Variants in PAX7 observed in about 807,000 individuals in gnomAD.
PAX7 encodes paired box 7.
In PAX7, 18 loss-of-function variants were observed where a neutral mutation model predicts 50.7. That is an observed-to-expected ratio of 0.36 (90% confidence interval 0.25 to 0.53). The LOEUF (loss-of-function observed/expected upper bound fraction) is 0.53. PAX7 is among the 20% of genes least tolerant of loss of function. The probability of loss-of-function intolerance (pLI) is 0.93; values close to 1 mark genes in which losing one functional copy is unlikely to be tolerated. For missense variants in PAX7, 644 were observed against 702.9 expected, an observed-to-expected ratio of 0.92 and a Z score of 0.95; for synonymous variants, 310 against 290.4, an observed-to-expected ratio of 1.07 and a Z score of -0.69.
chr1:18,639,678 G>A (rs140891157), intron 4 of PAX7, among the ~76,000 whole-genome samples: 44 of 152,294 alleles, frequency 2.9e-4, no homozygotes, highest in African/African-American at 1.0e-3. Context: ...AGATTCTTGT[G>A]GGGAATTTGA....
chr1:18,727,218 T>C (rs567034861), intron 7 of PAX7, among the ~76,000 whole-genome samples: 2 of 151,350 alleles, frequency 1.3e-5, no homozygotes, highest in East Asian at 3.9e-4. Context: ...GACACAATGC[T>C]CACACATCAC....
chr1:18,668,390 AG>A (rs1357409436), intron 4 of PAX7, among the ~76,000 whole-genome samples: 6 of 152,212 alleles, frequency 3.9e-5, no homozygotes, highest in African/African-American at 1.2e-4. Context: ...GTAGGTGCTC[AG>A]TAAATGCTTG....
chr1:18,730,569 G>A (rs961301388), intron 7 of PAX7, among the ~76,000 whole-genome samples: 2 of 140,554 alleles, frequency 1.4e-5, no homozygotes, highest in Non-Finnish European at 3.1e-5. Context: ...GATGGCGATT[G>A]CCCCTTCTAA....
At chr1:18,635,964 G>A (rs970728840) in intron 3 of PAX7, among the ~76,000 whole-genome samples, 3 of 152,158 alleles carry the variant, frequency 2.0e-5, no homozygotes, top group Non-Finnish European at 2.9e-5. Context: ...ACCTAGGCAG[G>A]TGTTAGTGTA....
chr1:18,652,580 G>A (rs191238535), intron 4 of PAX7, among the ~76,000 whole-genome samples: 44 of 152,342 alleles, frequency 2.9e-4, no homozygotes, highest in Admixed American at 1.6e-3. Flanking sequence ...TGGATGGAAG[G>A]AAAGAGGTAA....
chr1:18,711,203 T>G (rs1030260996), intron 7 of PAX7, among the ~76,000 whole-genome samples: 2 of 152,190 alleles, frequency 1.3e-5, no homozygotes, highest in African/African-American at 4.8e-5. Flanking sequence ...ACTAAATTGC[T>G]GTGTGGCCCT....
chr1:18,693,267 G>A (rs565698010), intron 5 of PAX7, among the ~76,000 whole-genome samples: 5 of 152,242 alleles, frequency 3.3e-5, no homozygotes, highest in South Asian at 4.1e-4. Flanking sequence ...GCCTTTGCCC[G>A]GCACCCACTT....
intron 7 of PAX7, among the ~76,000 whole-genome samples, chr1:18,716,680 C>G (rs1465052597): frequency 2.0e-5 from 3 of 151,862 alleles, no homozygotes; most frequent in Non-Finnish European, 4.4e-5. Flanking sequence ...TCTCTCCACC[C>G]ACTCCATTCT....
rs61364336 is a variant in PAX7 at position 18,694,461 on chromosome 1, AAAATAAATAAATAAATAAAT to A, written c.786+2538_786+2557del. Among the ~76,000 whole-genome samples, 109 of 139,752 alleles carry A rather than the reference AAAATAAATAAATAAATAAAT, an allele frequency of 7.8e-4. 1 individual carries two copies. The highest frequency in any genetic ancestry group is 2.5e-3 in the African/African-American group (93 of 37,478). 91.7% of individuals were successfully genotyped at this position (139,752 alleles called of 152,430 possible). A position where few individuals can be genotyped will look rare whatever the true frequency, so the allele number is the denominator to read the frequency against. On this transcript the variant is annotated intron_variant, in intron 5 of 8. Transcript: ENST00000420770. ...GCAGCAAGAGCAAAACTCTGTCTCGAAAATAAATAAATAAATAAATAAATAAATAAATAAATAAATAAATA... is the reference window on the plus strand; with the variant it reads ...GCAGCAAGAGCAAAACTCTGTCTCGAAAATAAATAAATAAATAAATAAATA...
chr1:18,707,189 G>A (rs1198788110), intron 7 of PAX7, among the ~76,000 whole-genome samples: 2 of 152,182 alleles, frequency 1.3e-5, no homozygotes, highest in African/African-American at 4.8e-5. Flanking sequence ...GGAGGTGACA[G>A]TACAACAGGG....
rs1479141213 is a variant in PAX7, at chr1:18,631,411, C to T, written c.-193C>T. On this transcript the variant is annotated 5_prime_UTR_variant, in exon 1 of 9. Coordinates refer to ENST00000420770, the MANE Select transcript of PAX7 (RefSeq NM_001135254.2). Reference sequence around the variant, plus strand: ...ACCTCCACCCCACCTCACCCCCCTCCCCAGCTTCTGGACGCGTTTGACTGC... The same window carrying T: ...ACCTCCACCCCACCTCACCCCCCTCTCCAGCTTCTGGACGCGTTTGACTGC... 1 of 594,532 alleles carries T rather than the reference C, an allele frequency of 1.7e-6. No homozygotes were observed. The highest frequency in any genetic ancestry group is 3.0e-6 in the Non-Finnish European group (1 of 330,508). 36.8% of individuals were successfully genotyped at this position (594,532 alleles called of 1,614,324 possible).
intron 4 of PAX7, among the ~76,000 whole-genome samples, chr1:18,646,868 G>C (rs906669809): frequency 1.0e-4 from 15 of 150,240 alleles, no homozygotes; most frequent in African/African-American, 3.7e-4. Context: ...GAAGAAAACC[G>C]GGGGGCGGCG....
intron 7 of PAX7, among the ~76,000 whole-genome samples, chr1:18,734,063 A>C (rs2100402463): frequency 6.6e-6 from 1 of 152,344 alleles, no homozygotes; most frequent in East Asian, 1.9e-4. Context: ...GGAATCCATC[A>C]GTGCCCTCGA....
At chr1:18,658,106 AC>A (rs1283424347) in intron 4 of PAX7, among the ~76,000 whole-genome samples, 1 of 152,142 alleles carries the variant, frequency 6.6e-6, no homozygotes, top group Non-Finnish European at 1.5e-5. Context: ...TCCGTCCATC[AC>A]TTCTCCTGCA....
chr1:18,707,310 G>A (rs1285655276), intron 7 of PAX7, among the ~76,000 whole-genome samples: 1 of 151,866 alleles, frequency 6.6e-6, no homozygotes, highest in African/African-American at 2.4e-5. Context: ...TCCTGCTCTG[G>A]GTGTTTTACT....
chr1:18,728,815 A>C (rs2089611087), intron 7 of PAX7, among the ~76,000 whole-genome samples: 1 of 151,016 alleles, frequency 6.6e-6, no homozygotes, highest in African/African-American at 2.4e-5. Context: ...CGGTGAGCCG[A>C]GATCACACCA....
rs2088080394 is a variant in PAX7, at chr1:18,632,966, G to A, written c.85+1278G>A. On this transcript the variant is annotated intron_variant, in intron 1 of 8. Coordinates refer to ENST00000420770, the MANE Select transcript of PAX7 (RefSeq NM_001135254.2). This position sits in a 1 kb window ranked among gnomAD's most constrained non-coding sequence, Gnocchi z 6.3. ...AACAATATTTGCCCAACATGACGCAGAATACTGAGGAGAGCCGAGTGCCGG... is the reference window on the plus strand; with the variant it reads ...AACAATATTTGCCCAACATGACGCAAAATACTGAGGAGAGCCGAGTGCCGG... Among the ~76,000 whole-genome samples the A allele has an allele frequency of 6.6e-6, 1 of 152,248 alleles. No individual in the cohort carries two copies. Among genetic ancestry groups the A allele is most frequent in the African/African-American group, 2.4e-5 (1 of 41,468 alleles).
chr1:18,673,177 C>T (rs959634184), intron 4 of PAX7, among the ~76,000 whole-genome samples: 13 of 152,184 alleles, frequency 8.5e-5, no homozygotes, highest in African/African-American at 3.1e-4. Context: ...ATCACTGCCC[C>T]TCTCAGAGTC....
intron 4 of PAX7, among the ~76,000 whole-genome samples, chr1:18,661,384 C>T (rs1204287968): frequency 6.6e-6 from 1 of 152,296 alleles, no homozygotes; most frequent in African/African-American, 2.4e-5. Flanking sequence ...CCTCCCACCC[C>T]AAACTTGCCT....
Sources: allele counts gnomAD v4.1 joint callset (sites outside exome capture counted in the v4.1 genomes callset), GRCh38; gene constraint gnomAD v4.1.1; non-coding constraint Gnocchi (gnomAD v3.1); transcripts MANE v1.5; gene names NCBI Gene and HGNC (gene_info 2026-07-23, HGNC 2026-07-21).